TMEM132D: variants seen among roughly 807,000 people sequenced by gnomAD.
The protein encoded by TMEM132D is mature OL transmembrane protein.
A neutral mutation model predicts 62.3 loss-of-function variants in TMEM132D; 21 were observed. That is an observed-to-expected ratio of 0.34 (90% CI 0.24 to 0.49). The LOEUF is 0.49. TMEM132D is among the 20% of genes least tolerant of loss of function. The pLI, the probability that TMEM132D is intolerant of heterozygous loss-of-function variation, is 0.99. For missense variants in TMEM132D, 1,346 were observed against 1,402.8 expected (o/e 0.96, Z 0.65); for synonymous variants, 621 against 575.6 (o/e 1.08, Z -1.13).
intron 2 of TMEM132D, among the ~76,000 whole-genome samples, chr12:129,686,164 G>A (rs1269702049): frequency 6.6e-6 from 1 of 152,146 alleles, no homozygotes; most frequent in Non-Finnish European, 1.5e-5. Context: ...TGAAGTGAGA[G>A]GACATGAGAT....
intron 5 of TMEM132D, among the ~76,000 whole-genome samples, chr12:129,096,397 G>A (rs1181563105): frequency 6.6e-6 from 1 of 152,168 alleles, no homozygotes; most frequent in African/African-American, 2.4e-5. Context: ...ACCCAGGATG[G>A]CAGCGGGAGC....
chr12:129,783,980 G>A lies in TMEM132D; in HGVS notation c.80-83282C>T, dbSNP rs183310951. On this transcript the variant is annotated intron_variant, in intron 1 of 8. Transcript: ENST00000422113. ...TTTATGGTTGTTTTTTCCCCATCCC[G>A]TTCCCTCTTCCAGCATTGAAGCCCT... Among the ~76,000 whole-genome samples, 45 of 152,140 alleles carry A rather than the reference G, an allele frequency of 3.0e-4. 1 individual carries two copies. In the South Asian group the frequency reaches 4.1e-3, roughly 14 times the overall value.
At chr12:129,433,681 T>C (rs1280969185) in intron 3 of TMEM132D, among the ~76,000 whole-genome samples, 2 of 152,094 alleles carry the variant, frequency 1.3e-5, no homozygotes, top group Non-Finnish European at 2.9e-5. Flanking sequence ...TCCCCAGAAC[T>C]GGGGAAGCAG....
intron 2 of TMEM132D, among the ~76,000 whole-genome samples, chr12:129,574,837 A>T (rs1279867456): frequency 1.3e-5 from 2 of 151,828 alleles, no homozygotes; most frequent in Non-Finnish European, 2.9e-5. Flanking sequence ...ATACAAAATA[A>T]AGTCAATGAG....
chr12:129,690,577 A>G (rs1881040271), intron 2 of TMEM132D, among the ~76,000 whole-genome samples: 1 of 152,206 alleles, frequency 6.6e-6, no homozygotes, highest in Non-Finnish European at 1.5e-5. Context: ...TTTTACAAAA[A>G]GGAAAATTAT....
At chr12:129,847,182 C>A (rs1382298386) in intron 1 of TMEM132D, among the ~76,000 whole-genome samples, 3 of 152,206 alleles carry the variant, frequency 2.0e-5, no homozygotes, top group Admixed American at 6.5e-5. Flanking sequence ...TGGCTTCTGG[C>A]TGTTTGGCAA....
At chr12:129,863,227 T>C (rs1481098058) in intron 1 of TMEM132D, among the ~76,000 whole-genome samples, 2 of 152,170 alleles carry the variant, frequency 1.3e-5, no homozygotes, top group Non-Finnish European at 2.9e-5. Flanking sequence ...CAGGGAGGCA[T>C]GGATTTGTGG....
At chr12:129,516,692 C>G (rs887628164) in intron 3 of TMEM132D, among the ~76,000 whole-genome samples, 7 of 152,160 alleles carry the variant, frequency 4.6e-5, no homozygotes, top group African/African-American at 1.7e-4. Flanking sequence ...AACCATAACA[C>G]ATCATCACTG....
At chr12:129,360,307 T>C (rs1202205446) in intron 3 of TMEM132D, among the ~76,000 whole-genome samples, 4 of 152,186 alleles carry the variant, frequency 2.6e-5, no homozygotes, top group Non-Finnish European at 5.9e-5. Context: ...TGAGTTTAAC[T>C]GTACTTAGGG....
chr12:129,429,537 G>A (rs1438036191), intron 3 of TMEM132D, among the ~76,000 whole-genome samples: 6 of 151,526 alleles, frequency 4.0e-5, no homozygotes, highest in East Asian at 1.9e-4. Flanking sequence ...AGCCTCCCAA[G>A]TAGCTGAGAC....
intron 1 of TMEM132D, among the ~76,000 whole-genome samples, chr12:129,808,572 G>C (rs1166548474): frequency 6.6e-6 from 1 of 152,188 alleles, no homozygotes; most frequent in Non-Finnish European, 1.5e-5. Flanking sequence ...GGATTTCCTT[G>C]AAGAGCATTG....
rs567587014 is a variant in TMEM132D, at chr12:129,223,146, G to A, written c.1300-13483C>T. Among the ~76,000 whole-genome samples, 10 of 152,158 alleles carry A rather than the reference G, an allele frequency of 6.6e-5. No homozygotes were observed. In the South Asian group the frequency reaches 2.1e-3, roughly 32 times the overall value. On this transcript the variant is annotated intron_variant, in intron 4 of 8. Coordinates refer to ENST00000422113, the MANE Select transcript of TMEM132D (RefSeq NM_133448.3). ...GACATTCCTGCCATGTGGAAGTGGA[G>A]TCTGGTTTTCTCCCCTTCAACACAG...
intron 2 of TMEM132D, among the ~76,000 whole-genome samples, chr12:129,607,379 G>A (rs1295606787): frequency 1.3e-5 from 2 of 152,176 alleles, no homozygotes; most frequent in Non-Finnish European, 2.9e-5. Flanking sequence ...AACCCCTCTG[G>A]AGCTTGGCAT....
intron 1 of TMEM132D, among the ~76,000 whole-genome samples, chr12:129,813,038 C>T (rs1046690866): frequency 6.6e-6 from 1 of 151,836 alleles, no homozygotes; most frequent in Non-Finnish European, 1.5e-5. Context: ...TCCGTCTCGG[C>T]GCAGAACACC....
At chr12:129,104,079 G>A (rs1255541772) in intron 5 of TMEM132D, among the ~76,000 whole-genome samples, 16 of 150,212 alleles carry the variant, frequency 1.1e-4, no homozygotes, top group East Asian at 5.8e-4. Flanking sequence ...AGCCTGCATC[G>A]CCAAGTCAAT....
In TMEM132D at chr12:129,078,627, T is replaced by A. The variant is rs1874354430; in HGVS notation, c.2022A>T (p.Thr674=). The change falls in exon 8 of 9, where the codon ACA becomes ACT. Residue 674 remains threonine (T), a synonymous_variant. Transcript: ENST00000422113. ...TITDLGVQLV[T]GLSLSLQLSP... ...TGAGCTGCAAGGAGAGTGACAGCCC[T>A]GTCACCAGCTGCACCCCGAGGTCTG... The A allele has an allele frequency of 6.2e-7, 1 of 1,614,066 alleles. No homozygotes were observed. Among genetic ancestry groups the A allele is most frequent in the African/African-American group, 1.3e-5 (1 of 74,924 alleles).
intron 4 of TMEM132D, among the ~76,000 whole-genome samples, chr12:129,286,921 G>A (rs1174717121): frequency 6.6e-6 from 1 of 152,094 alleles, no homozygotes; most frequent in African/African-American, 2.4e-5. Flanking sequence ...GGTGGCGCAT[G>A]CCTGTAATCC....
intron 4 of TMEM132D, among the ~76,000 whole-genome samples, chr12:129,245,436 C>A (rs780955270): frequency 8.7e-5 from 13 of 148,976 alleles, no homozygotes; most frequent in Admixed American, 2.0e-4. Flanking sequence ...ATGTATGTAC[C>A]ACAGTTTATT....
intron 4 of TMEM132D, among the ~76,000 whole-genome samples, chr12:129,276,651 A>G (rs1265490961): frequency 6.6e-6 from 1 of 152,220 alleles, no homozygotes; most frequent in Non-Finnish European, 1.5e-5. Flanking sequence ...CACCAGACAA[A>G]GAGGAAACTA....
Sources: allele counts gnomAD v4.1 joint callset (sites outside exome capture counted in the v4.1 genomes callset), GRCh38; gene constraint gnomAD v4.1.1; transcripts MANE v1.5; gene names NCBI Gene and HGNC (gene_info 2026-07-23, HGNC 2026-07-21).